FGF14: variants seen among roughly 807,000 people sequenced by gnomAD.
FGF14 encodes the protein fibroblast growth factor 14.
Under a neutral mutation model 25.5 loss-of-function variants are expected in FGF14, and 5 were observed. The ratio of observed to expected loss-of-function variants is 0.20; its 90% CI spans 0.10 to 0.41. The LOEUF (loss-of-function observed/expected upper bound fraction) is 0.41, where lower values mean the gene tolerates loss of function less well. Among genes scored for constraint, FGF14 ranks in the 10% least tolerant of loss-of-function variants. FGF14 has a pLI of 1.00. For synonymous variants in FGF14, 138 were observed against 118.3 expected (o/e 1.17, Z -1.08); for missense variants, 222 against 320.1 (o/e 0.69, Z 2.34).
At chr13:102,098,541 A>G (rs924494588) in intron 1 of FGF14, among the ~76,000 whole-genome samples, 1 of 152,254 alleles carries the variant, frequency 6.6e-6, no homozygotes, top group African/African-American at 2.4e-5. Flanking sequence ...ATATTTATAC[A>G]AATAAGTTGT....
intron 3 of FGF14, among the ~76,000 whole-genome samples, chr13:101,861,166 C>T (rs1489953895): frequency 1.3e-5 from 2 of 152,110 alleles, no homozygotes; most frequent in Admixed American, 6.6e-5. Context: ...CAATTACCAT[C>T]TGTCACAGAA....
At chr13:102,066,100 T>C (rs997540397) in intron 1 of FGF14, among the ~76,000 whole-genome samples, 1 of 152,098 alleles carries the variant, frequency 6.6e-6, no homozygotes, top group Non-Finnish European at 1.5e-5. Flanking sequence ...AAGTAATACA[T>C]TAATAATAAC....
chr13:102,161,638 A>AAGG (rs2047720101), intron 1 of FGF14, among the ~76,000 whole-genome samples: 5 of 11,582 alleles, frequency 4.3e-4, no homozygotes, highest in Non-Finnish European at 8.1e-4. Context: ...GAAGAAGAAG[A>AAGG]AGAAGAAGAA....
intron 3 of FGF14, among the ~76,000 whole-genome samples, chr13:101,827,339 T>C (rs570587887): frequency 3.6e-4 from 55 of 152,018 alleles, no homozygotes; most frequent in Non-Finnish European, 7.7e-4. Context: ...TATTGCCAAA[T>C]ATTAACTTGT....
chr13:102,086,760 A>C (rs1325546357), intron 1 of FGF14, among the ~76,000 whole-genome samples: 1 of 152,240 alleles, frequency 6.6e-6, no homozygotes, highest in African/African-American at 2.4e-5. Context: ...CCAATTTAGA[A>C]GGGGAAAGAT....
intron 4 of FGF14, among the ~76,000 whole-genome samples, chr13:101,725,720 AT>A (rs1377585660): frequency 6.6e-6 from 1 of 152,098 alleles, no homozygotes; most frequent in East Asian, 1.9e-4. Context: ...AGCTTAAAAT[AT>A]TTACTGAGTT....
At chr13:101,914,366 AATAT>A (rs1310364021) in intron 1 of FGF14, among the ~76,000 whole-genome samples, 1 of 151,932 alleles carries the variant, frequency 6.6e-6, no homozygotes, top group Admixed American at 6.6e-5. Flanking sequence ...TCCTCTGAAG[AATAT>A]ATATACTTTT....
chr13:102,100,392 C>A (rs200584446), intron 1 of FGF14, among the ~76,000 whole-genome samples: 1 of 151,956 alleles, frequency 6.6e-6, no homozygotes, highest in Non-Finnish European at 1.5e-5. Context: ...CTAGCAATAC[C>A]AGACAAGGAG....
chr13:102,294,618 G>A (rs554515968), intron 1 of FGF14, among the ~76,000 whole-genome samples: 1 of 152,284 alleles, frequency 6.6e-6, no homozygotes, highest in East Asian at 1.9e-4. Flanking sequence ...GAATATTTGA[G>A]TGGTTGCTGG....
intron 3 of FGF14, among the ~76,000 whole-genome samples, chr13:101,785,319 CCA>C (rs1402190015): frequency 6.7e-6 from 1 of 149,452 alleles, no homozygotes; most frequent in African/African-American, 2.5e-5. Flanking sequence ...ATTTAAATAT[CCA>C]CAGTTTCAAA....
At chr13:102,130,921 A>G (rs1288753924) in intron 1 of FGF14, among the ~76,000 whole-genome samples, 1 of 152,158 alleles carries the variant, frequency 6.6e-6, no homozygotes. Flanking sequence ...CATAGTGTAA[A>G]TGTTGCCCAA....
Position 101,840,804 on chromosome 13 carries a change from G to C in FGF14, c.408+27921C>G, listed in dbSNP as rs551117238. On this transcript the variant is annotated intron_variant, in intron 3 of 4. Coordinates refer to ENST00000376143, the MANE Select transcript of FGF14 (RefSeq NM_004115.4). ...AACTATTCAAACCTATTTATATTTAGAGAAAATCAAGAATATGTGTTTTTA... is the reference window on the plus strand; with the variant it reads ...AACTATTCAAACCTATTTATATTTACAGAAAATCAAGAATATGTGTTTTTA... Among the ~76,000 whole-genome samples, 43 of 151,954 alleles carry C rather than the reference G, an allele frequency of 2.8e-4. No individual in the cohort carries two copies. The East Asian group carries it at 7.8e-3, about 27-fold the overall frequency.
chr13:102,292,735 C>T (rs1049641948), intron 1 of FGF14: 2 of 152,088 alleles, frequency 1.3e-5, no homozygotes, highest in Non-Finnish European at 2.9e-5. Flanking sequence ...ATGGAGCCAC[C>T]CCACATAATA....
chr13:102,117,446 G>A (rs1275219467), intron 1 of FGF14, among the ~76,000 whole-genome samples: 1 of 152,144 alleles, frequency 6.6e-6, no homozygotes. Flanking sequence ...TTTATTCCAG[G>A]AAGCCTCAAC....
At chr13:101,798,148 T>G (rs2040661170) in intron 3 of FGF14, among the ~76,000 whole-genome samples, 1 of 152,118 alleles carries the variant, frequency 6.6e-6, no homozygotes, top group African/African-American at 2.4e-5. Flanking sequence ...AAAAGCTGAC[T>G]TGAATCGCTA....
At chr13:101,906,412 C>A (rs996030730) in intron 1 of FGF14, among the ~76,000 whole-genome samples, 5 of 151,920 alleles carry the variant, frequency 3.3e-5, no homozygotes, top group African/African-American at 9.7e-5. Context: ...ATGTTGTATC[C>A]AAGGATAAGC....
chr13:102,132,337 T>C (rs1391639665), intron 1 of FGF14, among the ~76,000 whole-genome samples: 2 of 152,166 alleles, frequency 1.3e-5, no homozygotes, highest in Non-Finnish European at 2.9e-5. Flanking sequence ...TTAAGACATA[T>C]ACACATAAAA....
intron 3 of FGF14, among the ~76,000 whole-genome samples, chr13:101,785,658 C>A (rs531508741): frequency 6.6e-6 from 1 of 151,964 alleles, no homozygotes; most frequent in South Asian, 2.1e-4. Flanking sequence ...AAGTAGGATA[C>A]CTTATATATT....
Position 101,978,131 on chromosome 13 carries a change from T to G in FGF14, c.209-102835A>C, listed in dbSNP as rs369675259. 2.9e-4 allele frequency among the ~76,000 whole-genome samples: 44 copies of G among 152,288 alleles called. 1 individual carries two copies. The South Asian group carries it at 8.3e-3, about 29-fold the overall frequency. ...GGAGATTTAAACAGGTTAACAAAAA[T>G]TGGGGTGCTTTTTTGTGGTTTTAAA... On this transcript the variant is annotated intron_variant, in intron 1 of 4. Transcript: ENST00000376131.
Sources: gnomAD v4.1 joint callset for allele counts (sites outside exome capture counted in the v4.1 genomes callset) on GRCh38, gnomAD v4.1.1 for gene constraint, MANE v1.5 for transcripts, NCBI Gene and HGNC (gene_info 2026-07-23, HGNC 2026-07-21) for gene names.